The following PRAG1 variants were observed in gnomAD, a reference collection of about 807,000 sequenced individuals.
PRAG1 encodes the protein PEAK1 related, kinase-activating pseudokinase 1.
A neutral mutation model predicts 95.6 loss-of-function variants in PRAG1; 110 were observed. That is an observed-to-expected ratio of 1.15 (90% confidence interval 0.99 to 1.35). PRAG1 has a LOEUF of 1.35. Among genes scored for constraint, PRAG1 ranks in the 40% most tolerant of loss-of-function variants. PRAG1 has a pLI of 0.00. For synonymous variants in PRAG1, 1,052 were observed against 819.4 expected (o/e 1.28, Z -4.85); for missense variants, 2,554 against 1,864.7 (o/e 1.37, Z -6.81).
chr8:8,379,165 G>T (rs1367762006), intron 2 of PRAG1, among the ~76,000 whole-genome samples: 1 of 152,016 alleles, frequency 6.6e-6, no homozygotes, highest in African/African-American at 2.4e-5. Flanking sequence ...TTCTGAACTG[G>T]ACCTGGGCTT....
chr8:8,371,413 A>C lies in PRAG1; in HGVS notation c.2162+4834T>G, dbSNP rs996537326. On this transcript the variant is annotated intron_variant, in intron 3 of 5. Transcript: ENST00000615670. The stretch of plus-strand genomic sequence containing the variant: ...GTAGCTGGGACTACTGGCGCCCGCC[A>C]TCACGCCTGGCTAATTTTTTGTATT... 3.2e-4 allele frequency among the ~76,000 whole-genome samples: 48 copies of C among 151,672 alleles called. 1 individual carries two copies. Among genetic ancestry groups the C allele is most frequent in the Non-Finnish European group, 3.2e-4 (22 of 67,964 alleles).
intron 1 of PRAG1, among the ~76,000 whole-genome samples, chr8:8,382,514 TG>T: frequency 6.6e-6 from 1 of 152,290 alleles, no homozygotes; most frequent in East Asian, 1.9e-4. Flanking sequence ...TCCACAATGC[TG>T]GGTGTTATAG....
intron 3 of PRAG1, among the ~76,000 whole-genome samples, chr8:8,366,336 G>A (rs1299883691): frequency 7.7e-5 from 11 of 142,886 alleles, no homozygotes; most frequent in African/African-American, 2.6e-4. Context: ...TTTTTGAGAC[G>A]GAGTTTCACT....
chr8:8,381,473 C>A lies in PRAG1; in HGVS notation c.275G>T (p.Ser92Ile). 6.2e-7 allele frequency: 1 copy of A among 1,614,238 alleles called. No homozygotes were observed. The highest frequency in any genetic ancestry group is 8.5e-7 in the Non-Finnish European group (1 of 1,180,038). Reference protein sequence around the residue: ...PTIAVKPTMMSSEASDVWTEA... With the variant: ...PTIAVKPTMMISEASDVWTEA... ...TGTCCACACATCAGAGGCCTCGGAG[C>A]TCATCATGGTGGGCTTCACGGCAAT... The change falls in exon 2 of 6, where the codon AGC (serine) becomes ATC (isoleucine). Residue 92 changes from serine to isoleucine, a missense_variant. Ser to Ile is a moderately radical substitution (Grantham distance 142, BLOSUM62 -2). Transcript: ENST00000615670.
chr8:8,332,159 T>TA (rs1798840265), intron 4 of PRAG1, among the ~76,000 whole-genome samples: 1 of 114,472 alleles, frequency 8.7e-6, no homozygotes, highest in Non-Finnish European at 1.7e-5. Context: ...CTACACATAT[T>TA]ACGATTTTTT....
intron 4 of PRAG1, among the ~76,000 whole-genome samples, chr8:8,338,776 T>C (rs1206509442): frequency 6.6e-6 from 1 of 152,182 alleles, no homozygotes; most frequent in East Asian, 1.9e-4. Flanking sequence ...AAAAAGGAAG[T>C]CATGTGAGTA....
At chr8:8,358,863 A>G (rs370056142) in intron 3 of PRAG1, among the ~76,000 whole-genome samples, 56 of 152,366 alleles carry the variant, frequency 3.7e-4, no homozygotes, top group African/African-American at 1.3e-3. Context: ...CTAAATAGGT[A>G]AAGACAGTGC....
chr8:8,341,331 T>C (rs1170145067), intron 3 of PRAG1, among the ~76,000 whole-genome samples: 1 of 152,140 alleles, frequency 6.6e-6, no homozygotes, highest in East Asian at 1.9e-4. Context: ...TTCATATACA[T>C]ATGCACACAC....
In PRAG1 at chr8:8,385,947, C is replaced by G. The variant is rs142474646; in HGVS notation, c.-88+374G>C. Among the ~76,000 whole-genome samples the G allele has an allele frequency of 6.8e-3, 1,029 of 152,260 alleles. 11 individuals are homozygous for G. The highest frequency in any genetic ancestry group is 0.022 in the African/African-American group (929 of 41,554). ...TCCGTCTCTCCCCCTTGACAATACTCTAGCGGTGGAAAGCAGTCCTCAAAG... is the reference window on the plus strand; with the variant it reads ...TCCGTCTCTCCCCCTTGACAATACTGTAGCGGTGGAAAGCAGTCCTCAAAG... On this transcript the variant is annotated intron_variant, in intron 1 of 5. Transcript: ENST00000615670.
chr8:8,333,551 G>A (rs1226884274), intron 4 of PRAG1, among the ~76,000 whole-genome samples: 1 of 152,214 alleles, frequency 6.6e-6, no homozygotes, highest in Non-Finnish European at 1.5e-5. Context: ...AGAAATGCAG[G>A]CCATAAGTTC....
chr8:8,381,280 G>T, intron 2 of PRAG1, 138 bp downstream of exon 2: 2 of 740,160 alleles, frequency 2.7e-6, no homozygotes, highest in Non-Finnish European at 4.3e-6. Context: ...CCAGGCAGGA[G>T]CCATCTCAGG....
In PRAG1 at chr8:8,376,766, AACT is replaced by A. The variant is rs774524895; in HGVS notation, c.1640_1642del (p.Lys547_Leu548delinsMet). Reference sequence around the variant, plus strand: ...GGACCCTACAGGGCTACTCTTGGACAACTTGGGGGGAATGGCGGGCCTCTCCTT... The same window carrying A: ...GGACCCTACAGGGCTACTCTTGGACATGGGGGGAATGGCGGGCCTCTCCTT... On this transcript the variant is annotated inframe_deletion, in exon 3 of 6. Coordinates refer to ENST00000615670, the MANE Select transcript of PRAG1 (RefSeq NM_001080826.3). 12 of 1,610,568 alleles carry A rather than the reference AACT, an allele frequency of 7.5e-6. No individual in the cohort carries two copies. Among genetic ancestry groups the A allele is most frequent in the South Asian group, 1.1e-5 (1 of 91,052 alleles).
chr8:8,365,805 T>TATAC (rs769590184), intron 3 of PRAG1, among the ~76,000 whole-genome samples: 20 of 149,866 alleles, frequency 1.3e-4, no homozygotes, highest in African/African-American at 2.2e-4. Context: ...TATATATATA[T>TATAC]ACACACACAT....
At chr8:8,367,074 G>A (rs182917000) in intron 3 of PRAG1, among the ~76,000 whole-genome samples, 8 of 152,180 alleles carry the variant, frequency 5.3e-5, no homozygotes, top group Admixed American at 5.2e-4. Flanking sequence ...ACAACCTGCA[G>A]ACACCACAAA....
chr8:8,372,116 T>G (rs1434567888), intron 3 of PRAG1, among the ~76,000 whole-genome samples: 2 of 152,178 alleles, frequency 1.3e-5, no homozygotes, highest in East Asian at 3.9e-4. Flanking sequence ...CAAAAGTCAT[T>G]AAGTCATTTA....
At chr8:8,368,722 G>A (rs1800093281) in intron 3 of PRAG1, among the ~76,000 whole-genome samples, 1 of 152,138 alleles carries the variant, frequency 6.6e-6, no homozygotes, top group Non-Finnish European at 1.5e-5. Context: ...AGGGACAGAG[G>A]GGGACTGACC....
chr8:8,385,879 C>T (rs904755460), intron 1 of PRAG1, among the ~76,000 whole-genome samples: 1 of 152,028 alleles, frequency 6.6e-6, no homozygotes, highest in African/African-American at 2.4e-5. Flanking sequence ...CCTGCACCCC[C>T]AAACCATCCC....
At position 8,381,702 on chromosome 8, in the gene PRAG1, CAG is replaced by C. The variant is rs1469949099; in HGVS notation, c.44_45del (p.Ser15CysfsTer4). The C allele has an allele frequency of 6.2e-7, 1 of 1,607,260 alleles. No individual in the cohort carries two copies. Among genetic ancestry groups the C allele is most frequent in the Non-Finnish European group, 8.5e-7 (1 of 1,174,770 alleles). On this transcript the variant is annotated frameshift_variant, in exon 2 of 6. Coordinates refer to ENST00000615670, the MANE Select transcript of PRAG1 (RefSeq NM_001080826.3). LOFTEE classifies it high-confidence loss of function. ...ATGTGCTCCACAAAGTCACTGCACG[CAG>C]ACATTTTCAGGCTCTCGGGGTTCAG... The part of the protein sequence containing the change: ...LCLNPESLKM[S>X]ACSDFVEHIW...
intron 5 of PRAG1, among the ~76,000 whole-genome samples, chr8:8,321,101 C>T (rs550199198): frequency 1.3e-5 from 2 of 152,306 alleles, no homozygotes; most frequent in Admixed American, 6.5e-5. Flanking sequence ...CAACTCTACT[C>T]GGTTTTTATT....
Sources: allele counts gnomAD v4.1 joint callset (sites outside exome capture counted in the v4.1 genomes callset), GRCh38; gene constraint gnomAD v4.1.1; transcripts MANE v1.5; gene names NCBI Gene and HGNC (gene_info 2026-07-23, HGNC 2026-07-21).